The following EIF2A variants were observed in gnomAD, a reference collection of about 807,000 sequenced individuals.
The protein encoded by EIF2A is eukaryotic translation initiation factor 2A, also known as 65 kDa eukaryotic translation initiation factor 2A.
Under a neutral mutation model 75.2 loss-of-function variants are expected in EIF2A, and 62 were observed. The observed-to-expected ratio is 0.82, with a 90% CI of 0.67 to 1.02. EIF2A has a LOEUF of 1.02. Among genes scored for constraint, EIF2A ranks in the 50% least tolerant of loss-of-function variants. EIF2A has a pLI of 0.00. For missense variants in EIF2A, 611 were observed against 677.7 expected, an observed-to-expected ratio of 0.90 and a Z score of 1.09; for synonymous variants, 207 against 239.0, an observed-to-expected ratio of 0.87 and a Z score of 1.23.
rs140811066 is a variant in EIF2A, at chr3:150,573,788, A to G, written c.1383+1259A>G. On this transcript the variant is annotated intron_variant, in intron 10 of 13. Coordinates refer to ENST00000460851, the MANE Select transcript of EIF2A (RefSeq NM_032025.5). ...ACTTCACAAAGGAGGAGAGTTACAC[A>G]GCAGTAGGGGAAAAAAGGTGTTGGG... Among the ~76,000 whole-genome samples, 22 of 152,288 alleles carry G rather than the reference A, an allele frequency of 1.4e-4. No homozygotes were observed. In the East Asian group the frequency reaches 4.2e-3, roughly 29 times the overall value.
chr3:150,556,973 A>C (rs1190343571), intron 2 of EIF2A, among the ~76,000 whole-genome samples: 2 of 152,222 alleles, frequency 1.3e-5, no homozygotes, highest in Non-Finnish European at 2.9e-5. Flanking sequence ...AATTTTGGCA[A>C]AATATCTGAG....
At chr3:150,556,562 A>G (rs573710500) in intron 2 of EIF2A, among the ~76,000 whole-genome samples, 1 of 152,362 alleles carries the variant, frequency 6.6e-6, no homozygotes, top group Non-Finnish European at 1.5e-5. Flanking sequence ...CAATATGATA[A>G]TGACATCTAG....
At position 150,557,650 on chromosome 3, in the gene EIF2A, C is replaced by T. The variant is rs139884490; in HGVS notation, c.99-738C>T. ...CCAACCTCAGGTGATCCGCCTGCCT[C>T]GGCCTCCCAAACTGCTGGGATTACA... On this transcript the variant is annotated intron_variant, in intron 2 of 13. Transcript: ENST00000460851. 138 of 353,926 alleles carry T rather than the reference C, an allele frequency of 3.9e-4. No homozygotes were observed. The East Asian group carries it at 5.4e-3, about 14-fold the overall frequency. 21.9% of individuals were successfully genotyped at this position (353,926 alleles called of 1,614,324 possible). A position where few individuals can be genotyped will look rare whatever the true frequency, so the allele number is the denominator to read the frequency against.
chr3:150,562,819 C>G (rs1225661858), intron 4 of EIF2A, 159 bp downstream of exon 4: 1 of 535,156 alleles, frequency 1.9e-6, no homozygotes, highest in African/African-American at 1.9e-5. Flanking sequence ...ATCTTGTACT[C>G]TCCAAATAAA....
chr3:150,552,709 G>A, intron 2 of EIF2A: 1 of 222,472 alleles, frequency 4.5e-6, no homozygotes, highest in Non-Finnish European at 8.7e-6. Context: ...TACAAGAGTT[G>A]TATCTTAAGG....
chr3:150,579,039 G>A (rs935502825), intron 11 of EIF2A, among the ~76,000 whole-genome samples: 2 of 151,984 alleles, frequency 1.3e-5, no homozygotes, highest in Non-Finnish European at 2.9e-5. Flanking sequence ...ACTTGTTCTT[G>A]GTTAGTTTGT....
In EIF2A at chr3:150,567,704, A is replaced by G; in HGVS notation, c.487A>G (p.Asn163Asp). The G allele has an allele frequency of 6.5e-7, 1 of 1,544,588 alleles. No homozygotes were observed. Among genetic ancestry groups the G allele is most frequent in the Non-Finnish European group, 8.7e-7 (1 of 1,143,046 alleles). The change falls in exon 7 of 14, where the codon AAT becomes GAT. Residue 163 changes from asparagine (N) to aspartate (D), a missense_variant. Asn to Asp is a conservative substitution (Grantham distance 23). Coordinates refer to ENST00000460851, the MANE Select transcript of EIF2A (RefSeq NM_032025.5). ...ACTCTTTTTTTTAGACACAATTGCA[A>G]ATAAATTGCATTTGCAAAAAATTAA... ...FENNNFNTIA[N>D]KLHLQKINDF... is the part of the protein sequence containing the mutation.
chr3:150,583,407 TTTTTAC>T (rs1471256127), intron 13 of EIF2A, 142 bp downstream of exon 13: 4 of 717,416 alleles, frequency 5.6e-6, no homozygotes, highest in Non-Finnish European at 4.4e-6. Flanking sequence ...CTTTTTAATG[TTTTTAC>T]TTTTAAATAG....
intron 6 of EIF2A, chr3:150,566,899 A>G: frequency 6.6e-6 from 1 of 152,370 alleles, no homozygotes; most frequent in Non-Finnish European, 1.5e-5. Flanking sequence ...GTTCACACGT[A>G]CCAAAGATGG....
chr3:150,577,116 C>T (rs1377400298), intron 11 of EIF2A, among the ~76,000 whole-genome samples: 1 of 152,132 alleles, frequency 6.6e-6, no homozygotes, highest in African/African-American at 2.4e-5. Context: ...ATAGATGGCA[C>T]CTTCTTTCTG....
At chr3:150,565,249 T>A (rs1475649238) in intron 6 of EIF2A, 1 of 455,774 alleles carries the variant, frequency 2.2e-6, no homozygotes, top group Admixed American at 2.4e-5. Context: ...AAGACTACAT[T>A]ATAAGGTGAT....
chr3:150,563,193 A>G (rs2107925287), intron 4 of EIF2A, among the ~76,000 whole-genome samples: 1 of 152,280 alleles, frequency 6.6e-6, no homozygotes, highest in South Asian at 2.1e-4. Flanking sequence ...TTTTCTAATA[A>G]TGTTGATATT....
intron 6 of EIF2A, chr3:150,565,209 C>A (rs948152368): frequency 2.2e-6 from 1 of 456,470 alleles, no homozygotes; most frequent in Admixed American, 2.3e-5. Flanking sequence ...AGAGTTTCAG[C>A]TTCAGGTTCT....
chr3:150,552,212 T>C (rs1436565042), intron 1 of EIF2A, 144 bp from the exon 2 acceptor site: 1 of 655,952 alleles, frequency 1.5e-6, no homozygotes, highest in African/African-American at 1.9e-5. Flanking sequence ...TATGCCCTTT[T>C]GTTGCTAATA....
intron 3 of EIF2A, among the ~76,000 whole-genome samples, chr3:150,559,858 A>G (rs1723759876): frequency 6.6e-6 from 1 of 152,156 alleles, no homozygotes. Flanking sequence ...CAATGTTAAC[A>G]GTTTTAATCT....
In EIF2A at chr3:150,584,456, A is replaced by G. The variant is rs1031824280; in HGVS notation, c.*545A>G. 3.3e-5 allele frequency among the ~76,000 whole-genome samples: 5 copies of G among 152,220 alleles called. No homozygotes were observed. Among genetic ancestry groups the G allele is most frequent in the African/African-American group, 1.2e-4 (5 of 41,458 alleles). ...CCCAGAGCCTATGCTTTAGGTCACT[A>G]TGATATATACTACTCCTGTATCCTC... On this transcript the variant is annotated 3_prime_UTR_variant, in exon 14 of 14. Coordinates refer to ENST00000460851, the MANE Select transcript of EIF2A (RefSeq NM_032025.5).
chr3:150,552,325 A>C (rs990788520), intron 1 of EIF2A, 31 bp from the exon 2 acceptor site: 35 of 1,533,700 alleles, frequency 2.3e-5, no homozygotes, highest in Non-Finnish European at 2.8e-5. Context: ...TTAACAAAGT[A>C]ATTGTGGTTC....
At chr3:150,578,698 T>G (rs1348168270) in intron 11 of EIF2A, among the ~76,000 whole-genome samples, 1 of 152,204 alleles carries the variant, frequency 6.6e-6, no homozygotes, top group Non-Finnish European at 1.5e-5. Flanking sequence ...GCAAAGGTTT[T>G]CAACTTGCAA....
Position 150,584,013 on chromosome 3 carries a change from C to A in EIF2A, c.*102C>A. On this transcript the variant is annotated 3_prime_UTR_variant, in exon 14 of 14. Coordinates refer to ENST00000460851, the MANE Select transcript of EIF2A (RefSeq NM_032025.5). ...ATATTCCTGTGCCCACACTTAATGT[C>A]AATCTATAATTTTAACCATTTATCC... The A allele has an allele frequency of 1.9e-6, 2 of 1,058,878 alleles. No individual in the cohort carries two copies. The highest frequency in any genetic ancestry group is 1.7e-5 in the South Asian group (1 of 59,708). The allele number at this position is 1,058,878 out of a possible 1,614,324, so 65.6% of individuals were successfully genotyped here.
Sources: allele counts gnomAD v4.1 joint callset (sites outside exome capture counted in the v4.1 genomes callset), GRCh38; gene constraint gnomAD v4.1.1; transcripts MANE v1.5; gene names NCBI Gene and HGNC (gene_info 2026-07-23, HGNC 2026-07-21).